The following GPATCH2 variants were observed in gnomAD, a reference collection of about 807,000 sequenced individuals.
The protein encoded by GPATCH2 is G patch domain-containing protein 2.
A neutral mutation model predicts 58.0 loss-of-function variants in GPATCH2; 51 were observed. The observed-to-expected ratio is 0.88, with a 90% CI of 0.70 to 1.11. The LOEUF (loss-of-function observed/expected upper bound fraction) is 1.11. Ranked by LOEUF, GPATCH2 falls within the 50% of genes most tolerant of loss-of-function variation. The pLI, the probability that GPATCH2 is intolerant of heterozygous loss-of-function variation, is 0.00. For missense variants in GPATCH2, 625 were observed against 652.2 expected, an observed-to-expected ratio of 0.96 and a Z score of 0.45; for synonymous variants, 222 against 218.5, an observed-to-expected ratio of 1.02 and a Z score of -0.14.
intron 9 of GPATCH2, among the ~76,000 whole-genome samples, chr1:217,438,871 G>A (rs564445530): frequency 5.9e-5 from 9 of 152,028 alleles, no homozygotes; most frequent in African/African-American, 1.7e-4. Flanking sequence ...GATTCATAAC[G>A]CAAGTTCTTA....
rs1223435072 is a variant in GPATCH2 at position 217,430,089 on chromosome 1, C to A, written c.*1056G>T. On this transcript the variant is annotated 3_prime_UTR_variant, in exon 10 of 10. Coordinates refer to ENST00000366935, the MANE Select transcript of GPATCH2 (RefSeq NM_018040.5). ...CTCAGAAACAGCTCAATACTAGGCA[C>A]GTAATACAAACGACCTCTTTTGCTA... 1 of 152,112 alleles carries A rather than the reference C, an allele frequency of 6.6e-6. No individual in the cohort carries two copies. The highest frequency in any genetic ancestry group is 2.4e-5 in the African/African-American group (1 of 41,428). 9.4% of individuals were successfully genotyped at this position (152,112 alleles called of 1,614,324 possible). A position where few individuals can be genotyped will look rare whatever the true frequency, so the allele number is the denominator to read the frequency against.
rs565487523 is a variant in GPATCH2 at position 217,454,559 on chromosome 1, A to C, written c.1278-5222T>G. Among the ~76,000 whole-genome samples, 140 of 130,046 alleles carry C rather than the reference A, an allele frequency of 1.1e-3. 2 individuals are homozygous for C. Among genetic ancestry groups the C allele is most frequent in the African/African-American group, 3.8e-3 (135 of 35,714 alleles). The allele number at this position is 130,046 out of a possible 152,430, so 85.3% of individuals were successfully genotyped here. A position where few individuals can be genotyped will look rare whatever the true frequency, so the allele number is the denominator to read the frequency against. On this transcript the variant is annotated intron_variant, in intron 8 of 9. Transcript: ENST00000366935. The stretch of plus-strand genomic sequence containing the variant: ...AGTCGAGATCGCGCCACTGCACTCC[A>C]GCCTGGGCGACAGAGCGAGACTCTG...
intron 5 of GPATCH2, 52 bp downstream of exon 5, chr1:217,610,269 A>T: frequency 6.8e-7 from 1 of 1,476,328 alleles, no homozygotes; most frequent in Non-Finnish European, 9.5e-7. Context: ...TTTATTCCAT[A>T]GAAATGGAAA....
chr1:217,625,748 C>G (rs1173533357), intron 1 of GPATCH2, among the ~76,000 whole-genome samples: 3 of 152,060 alleles, frequency 2.0e-5, no homozygotes, highest in African/African-American at 7.2e-5. Flanking sequence ...TCTGGGAGGT[C>G]GAAGTGGGTG....
At chr1:217,534,614 A>T (rs1664375810) in intron 5 of GPATCH2, among the ~76,000 whole-genome samples, 2 of 152,124 alleles carry the variant, frequency 1.3e-5, no homozygotes, top group African/African-American at 4.8e-5. Flanking sequence ...TCTAAAGATA[A>T]CAAAAGCTCA....
chr1:217,476,707 C>G (rs1571769811), intron 8 of GPATCH2, among the ~76,000 whole-genome samples: 1 of 152,120 alleles, frequency 6.6e-6, no homozygotes, highest in East Asian at 1.9e-4. Flanking sequence ...AGGGGAATCA[C>G]CAATCCTAGC....
chr1:217,574,989 G>A (rs548602472), intron 5 of GPATCH2, among the ~76,000 whole-genome samples: 1 of 152,248 alleles, frequency 6.6e-6, no homozygotes, highest in Non-Finnish European at 1.5e-5. Context: ...ACACAGGGTT[G>A]GAAATGTGGC....
At chr1:217,580,688 A>G (rs1276429502) in intron 5 of GPATCH2, among the ~76,000 whole-genome samples, 1 of 152,060 alleles carries the variant, frequency 6.6e-6, no homozygotes, top group African/African-American at 2.4e-5. Flanking sequence ...ACTTACTAAG[A>G]GTGGGTCCCA....
chr1:217,571,721 C>CAAAAAAAAAAAAAAAAAAAA (rs1558494034), intron 5 of GPATCH2, among the ~76,000 whole-genome samples: 26 of 114,642 alleles, frequency 2.3e-4, no homozygotes, highest in South Asian at 3.0e-4. Flanking sequence ...AAAAAAAAAA[C>CAAAAAAAAAAAAAAAAAAAA]AAAAAAGAAG....
chr1:217,437,755 C>A (rs1571697999), intron 9 of GPATCH2, among the ~76,000 whole-genome samples: 1 of 152,220 alleles, frequency 6.6e-6, no homozygotes, highest in Non-Finnish European at 1.5e-5. Context: ...AGATAAAAAA[C>A]CCCATCTCCC....
chr1:217,455,222 T>C (rs1659886869), intron 8 of GPATCH2, among the ~76,000 whole-genome samples: 1 of 152,178 alleles, frequency 6.6e-6, no homozygotes, highest in Admixed American at 6.5e-5. Context: ...ACAAACCTTG[T>C]AGTAACTTAG....
chr1:217,619,799 C>T lies in GPATCH2; in HGVS notation c.757G>A (p.Glu253Lys), dbSNP rs2102838494. 1 of 1,568,130 alleles carries T rather than the reference C, an allele frequency of 6.4e-7. No homozygotes were observed. The highest frequency in any genetic ancestry group is 8.7e-7 in the Non-Finnish European group (1 of 1,148,352). The change falls in exon 2 of 10, where the codon GAG becomes AAG. Residue 253 changes from glutamate (E) to lysine (K), a missense_variant. Coordinates refer to ENST00000366935, the MANE Select transcript of GPATCH2 (RefSeq NM_018040.5). Reference sequence around the variant, plus strand: ...AAAAGTCACCTTTCACTCATGAGCTCATCTGAGACTTTTTGCTCTTCACAT... The same window carrying T: ...AAAAGTCACCTTTCACTCATGAGCTTATCTGAGACTTTTTGCTCTTCACAT... ...MECEEQKVSD[E>K]LMSESDSSSL...
chr1:217,457,440 C>T lies in GPATCH2; in HGVS notation c.1278-8103G>A, dbSNP rs575575594. Among the ~76,000 whole-genome samples the T allele has an allele frequency of 8.5e-5, 13 of 152,238 alleles. No individual in the cohort carries two copies. In the South Asian group the frequency reaches 1.0e-3, roughly 12 times the overall value. On this transcript the variant is annotated intron_variant, in intron 8 of 9. Transcript: ENST00000366935. ...ATCATTTATGTAAAACATTTTAGCA[C>T]GTATATATTCAATAACTGTTAGCTA...
intron 8 of GPATCH2, among the ~76,000 whole-genome samples, chr1:217,472,969 A>G (rs1660798484): frequency 6.6e-6 from 1 of 152,128 alleles, no homozygotes. Context: ...ACTAAGGTAT[A>G]TAACCCAGGG....
intron 9 of GPATCH2, among the ~76,000 whole-genome samples, chr1:217,440,355 TG>T (rs1358403908): frequency 1.3e-5 from 2 of 152,118 alleles, no homozygotes; most frequent in African/African-American, 2.4e-5. Context: ...ATTGATGAAA[TG>T]TATCTTAAAA....
chr1:217,546,147 T>C (rs1426873614), intron 5 of GPATCH2, among the ~76,000 whole-genome samples: 1 of 152,112 alleles, frequency 6.6e-6, no homozygotes, highest in Non-Finnish European at 1.5e-5. Flanking sequence ...AAATAAGAGA[T>C]GGCACAAGCA....
chr1:217,559,082 T>C (rs147774085), intron 5 of GPATCH2, among the ~76,000 whole-genome samples: 2,131 of 152,190 alleles, frequency 0.014, 30 homozygotes, highest in Non-Finnish European at 0.02. Context: ...TTTAAACAAA[T>C]AATTAAACAA....
chr1:217,609,030 A>T, intron 5 of GPATCH2: 2 of 872,662 alleles, frequency 2.3e-6, no homozygotes, highest in Non-Finnish European at 2.8e-6. Flanking sequence ...TTAGCCATTA[A>T]ATGCTGAATT....
intron 5 of GPATCH2, among the ~76,000 whole-genome samples, chr1:217,587,899 A>C (rs533332108): frequency 6.6e-6 from 1 of 152,300 alleles, no homozygotes; most frequent in African/African-American, 2.4e-5. Context: ...AAAGCATAAA[A>C]CTAGTAAATG....
Sources: gnomAD v4.1 joint callset for allele counts (sites outside exome capture counted in the v4.1 genomes callset) on GRCh38, gnomAD v4.1.1 for gene constraint, MANE v1.5 for transcripts, NCBI Gene and HGNC (gene_info 2026-07-23, HGNC 2026-07-21) for gene names.